The following GDF7 variants were observed in gnomAD, a reference collection of about 807,000 sequenced individuals.
GDF7 encodes growth differentiation factor 7.
In GDF7, 12 loss-of-function variants were observed where a neutral mutation model predicts 13.4. The observed-to-expected ratio is 0.90, with a 90% CI of 0.57 to 1.45. The LOEUF (loss-of-function observed/expected upper bound fraction) is 1.45. Among genes scored for constraint, GDF7 ranks in the 40% most tolerant of loss-of-function variants. The probability of loss-of-function intolerance (pLI) is 0.00; values close to 1 mark genes in which losing one functional copy is unlikely to be tolerated. For missense variants in GDF7, 651 were observed against 652.4 expected (o/e 1.00, Z 0.02); for synonymous variants, 330 against 306.4 (o/e 1.08, Z -0.80).
rs1662252562 is a variant in GDF7 at position 20,677,587 on chromosome 2, G to C, written c.*6162G>C. 1 of 152,262 alleles carries C rather than the reference G, an allele frequency of 6.6e-6. No individual in the cohort carries two copies. The highest frequency in any genetic ancestry group is 2.1e-4 in the South Asian group (1 of 4,834). The allele number at this position is 152,262 out of a possible 1,614,324, so 9.4% of individuals were successfully genotyped here. ...GAATCTAGAACCATGGCTGACCAAA[G>C]CGAGACTTCCGAGTAAGGTTCGTTA... On this transcript the variant is annotated 3_prime_UTR_variant, in exon 2 of 2. Transcript: ENST00000272224.
rs1335739467 is a variant in GDF7, at chr2:20,674,007, G to T, written c.*2582G>T. Reference sequence around the variant, plus strand: ...TGAATGCAGAGGATCCATTTCACTTGTAAAAATGACAACAAAGGGCCAACA... The same window carrying T: ...TGAATGCAGAGGATCCATTTCACTTTTAAAAATGACAACAAAGGGCCAACA... On this transcript the variant is annotated 3_prime_UTR_variant, in exon 2 of 2. Transcript: ENST00000272224. 6.6e-6 allele frequency: 1 copy of T among 152,248 alleles called. No homozygotes were observed. Among genetic ancestry groups the T allele is most frequent in the East Asian group, 1.9e-4 (1 of 5,200 alleles). The allele number at this position is 152,248 out of a possible 1,614,324, so 9.4% of individuals were successfully genotyped here.
In GDF7 at chr2:20,670,531, G is replaced by A. The variant is rs1196563232; in HGVS notation, c.459G>A (p.Glu153=). 2 of 1,602,248 alleles carry A rather than the reference G, an allele frequency of 1.2e-6. No homozygotes were observed. The highest frequency in any genetic ancestry group is 8.5e-7 in the Non-Finnish European group (1 of 1,175,690). ...FDVSSLNDAD[E]VVGAELRVLR... is the part of the protein sequence containing the mutation. ...TGTCCAGCCTTAACGACGCAGACGAGGTGGTGGGTGCCGAGCTGCGCGTGC... is the reference window on the plus strand; with the variant it reads ...TGTCCAGCCTTAACGACGCAGACGAAGTGGTGGGTGCCGAGCTGCGCGTGC... Residue 153 remains glutamate (E), a synonymous_variant, in exon 2 of 2, where the codon GAG becomes GAA. Transcript: ENST00000272224.
Position 20,676,516 on chromosome 2 carries a change from G to C in GDF7, c.*5091G>C, listed in dbSNP as rs539411720. 4 of 152,194 alleles carry C rather than the reference G, an allele frequency of 2.6e-5. No homozygotes were observed. The highest frequency in any genetic ancestry group is 9.7e-5 in the African/African-American group (4 of 41,426). 9.4% of individuals were successfully genotyped at this position (152,194 alleles called of 1,614,324 possible). A position where few individuals can be genotyped will look rare whatever the true frequency, so the allele number is the denominator to read the frequency against. On this transcript the variant is annotated 3_prime_UTR_variant, in exon 2 of 2. Coordinates refer to ENST00000272224, the MANE Select transcript of GDF7 (RefSeq NM_182828.4). ...TGAAAGAAGCCTGTTTTTTTCAGGA[G>C]GGCCACCGTCCTAGCCTGAGGAGAC... is the stretch of plus-strand genomic sequence containing the variant.
At position 20,672,147 on chromosome 2, in the gene GDF7, A is replaced by T. The variant is rs1434502884; in HGVS notation, c.*722A>T. The T allele has an allele frequency of 8.9e-5, 9 of 100,738 alleles. No homozygotes were observed. The highest frequency in any genetic ancestry group is 2.2e-4 in the African/African-American group (4 of 18,160). 6.2% of individuals were successfully genotyped at this position (100,738 alleles called of 1,614,324 possible). A position where few individuals can be genotyped will look rare whatever the true frequency, so the allele number is the denominator to read the frequency against. On this transcript the variant is annotated 3_prime_UTR_variant, in exon 2 of 2. Transcript: ENST00000272224. ...CCCGCCTTTTTTTTTTTTTTTTTTA[A>T]TCAATTCCAATAGGAAATGTTATGG...
At chr2:20,669,244 GA>G (rs1309779810) in intron 1 of GDF7, among the ~76,000 whole-genome samples, 2 of 152,116 alleles carry the variant, frequency 1.3e-5, no homozygotes, top group Admixed American at 6.5e-5. Flanking sequence ...GAGGTCCCCA[GA>G]AGCCATTGAT....
Position 20,670,814 on chromosome 2 carries a change from C to T in GDF7, c.742C>T (p.Arg248Trp), listed in dbSNP as rs751088954. ...AGPVPSPLAL[R>W]RLGFGWPGGG... is the part of the protein sequence containing the mutation. ...CCCGGTGCCGAGCCCGTTGGCACTG[C>T]GGCGGCTGGGCTTCGGCTGGCCGGG... The change falls in exon 2 of 2, where the codon CGG (arginine) becomes TGG (tryptophan). Residue 248 changes from arginine (R) to tryptophan (W), a missense_variant. Arg to Trp is a moderately radical substitution (Grantham distance 101). Transcript: ENST00000272224. 14 of 1,492,924 alleles carry T rather than the reference C, an allele frequency of 9.4e-6. No individual in the cohort carries two copies. The highest frequency in any genetic ancestry group is 1.2e-5 in the Non-Finnish European group (14 of 1,127,540). The allele number at this position is 1,492,924 out of a possible 1,614,324, so 92.5% of individuals were successfully genotyped here. A position where few individuals can be genotyped will look rare whatever the true frequency, so the allele number is the denominator to read the frequency against.
In GDF7 at chr2:20,671,473, G is replaced by T; in HGVS notation, c.*48G>T. 1 of 1,576,510 alleles carries T rather than the reference G, an allele frequency of 6.3e-7. No individual in the cohort carries two copies. The highest frequency in any genetic ancestry group is 8.6e-7 in the Non-Finnish European group (1 of 1,160,742). ...GCCACGCGGCCGAGGATCCCCAGCT[G>T]ATGAGCAGCAGCGGGCCACCCTGTC... On this transcript the variant is annotated 3_prime_UTR_variant, in exon 2 of 2. Coordinates refer to ENST00000272224, the MANE Select transcript of GDF7 (RefSeq NM_182828.4).
Position 20,670,485 on chromosome 2 carries a change from G to T in GDF7, c.413G>T (p.Gly138Val), listed in dbSNP as rs145804313. The T allele has an allele frequency of 1.1e-5, 17 of 1,565,670 alleles. No individual in the cohort carries two copies. Among genetic ancestry groups the T allele is most frequent in the Non-Finnish European group, 1.5e-5 (17 of 1,156,262 alleles). Reference protein sequence around the residue: ...ATQDESAAETGQSFLFDVSSL... With the variant: ...ATQDESAAETVQSFLFDVSSL... ...GCAGACGAATCGGCAGCCGAAACAG[G>T]CCAGAGCTTCCTGTTCGACGTGTCC... Residue 138 changes from glycine to valine, a missense_variant, in exon 2 of 2, where the codon GGC (glycine) becomes GTC (valine). Coordinates refer to ENST00000272224, the MANE Select transcript of GDF7 (RefSeq NM_182828.4).
Position 20,670,951 on chromosome 2 carries a change from C to G in GDF7, c.879C>G (p.Ala293=), listed in dbSNP as rs747120028. 6.4e-7 allele frequency: 1 copy of G among 1,567,092 alleles called. No individual in the cohort carries two copies. The highest frequency in any genetic ancestry group is 8.6e-7 in the Non-Finnish European group (1 of 1,164,896). The stretch of plus-strand genomic sequence containing the variant: ...GCGCCCAGGCCCGCGCGCTCGGGGC[C>G]GCTCTGGCCTCAGAGCCGCTGCCCG... ...EIRAQARALG[A]ALASEPLPDP... is the part of the protein sequence containing the mutation. The change falls in exon 2 of 2, where the codon GCC becomes GCG. Residue 293 remains alanine (A), a synonymous_variant. Transcript: ENST00000272224.
chr2:20,671,531 GCAC>G lies in GDF7; in HGVS notation c.*108_*110del. 1 of 1,231,356 alleles carries G rather than the reference GCAC, an allele frequency of 8.1e-7. No homozygotes were observed. Among genetic ancestry groups the G allele is most frequent in the Non-Finnish European group, 1.1e-6 (1 of 883,926 alleles). 76.3% of individuals were successfully genotyped at this position (1,231,356 alleles called of 1,614,324 possible). ...GTGGGTGCATGTCCGATGTGACCCA[GCAC>G]CCTCTCAGAGGAGGGAGAGCACACG... is the stretch of plus-strand genomic sequence containing the variant. On this transcript the variant is annotated 3_prime_UTR_variant, in exon 2 of 2. Coordinates refer to ENST00000272224, the MANE Select transcript of GDF7 (RefSeq NM_182828.4).
In GDF7 at chr2:20,670,583, C is replaced by T. The variant is rs778154570; in HGVS notation, c.511C>T (p.Pro171Ser). 6 of 1,602,840 alleles carry T rather than the reference C, an allele frequency of 3.7e-6. No homozygotes were observed. In the Admixed American group the frequency reaches 1.0e-4, roughly 27 times the overall value. The change falls in exon 2 of 2, where the codon CCA (proline) becomes TCA (serine). Residue 171 changes from proline (P) to serine (S), a missense_variant. Pro to Ser is a moderately conservative substitution (Grantham distance 74, BLOSUM62 -1). Around this residue, in one of 4 missense-constraint regions of GDF7, gnomAD observed 487 missense variants for 445.9 expected, o/e 1.09. Coordinates refer to ENST00000272224, the MANE Select transcript of GDF7 (RefSeq NM_182828.4). ...VLRRGSPESGPGSWTSPPLLL... is the reference protein window; with the variant it reads ...VLRRGSPESGSGSWTSPPLLL... ...GCGCCGGGGATCTCCAGAGTCGGGC[C>T]CAGGCAGCTGGACTTCTCCGCCGTT...
Position 20,667,290 on chromosome 2 carries a change from C to A in GDF7, c.51C>A (p.Cys17Ter). 8.3e-7 allele frequency: 1 copy of A among 1,210,542 alleles called. No homozygotes were observed. The highest frequency in any genetic ancestry group is 1.0e-6 in the Non-Finnish European group (1 of 965,518). The allele number at this position is 1,210,542 out of a possible 1,614,324, so 75.0% of individuals were successfully genotyped here. A position where few individuals can be genotyped will look rare whatever the true frequency, so the allele number is the denominator to read the frequency against. The change falls in exon 1 of 2, where the codon TGC (cysteine) becomes TGA (stop). Residue 17 changes from cysteine to a stop codon, truncating the protein, a stop_gained. Coordinates refer to ENST00000272224, the MANE Select transcript of GDF7 (RefSeq NM_182828.4). LOFTEE classifies it high-confidence loss of function. The surrounding 1 kb of genome is among the most constrained non-coding windows in gnomAD (Gnocchi z 6.4). ...AALCLWLLSA[C>*]RPRDGLEAAA... Reference sequence around the variant, plus strand: ...TGTGCCTTTGGCTGCTGAGCGCCTGCCGCCCCCGCGACGGGCTGGAAGCGG... The same window carrying A: ...TGTGCCTTTGGCTGCTGAGCGCCTGACGCCCCCGCGACGGGCTGGAAGCGG...
Position 20,667,514 on chromosome 2 carries a change from T to G in GDF7, c.275T>G (p.Met92Arg), listed in dbSNP as rs1695987971. The change falls in exon 1 of 2, where the codon ATG (methionine) becomes AGG (arginine). Residue 92 changes from methionine to arginine, a missense_variant. Met to Arg is a moderately conservative substitution (Grantham distance 91). Around this residue, in one of 4 missense-constraint regions of GDF7, gnomAD observed 487 missense variants for 445.9 expected, o/e 1.09. Coordinates refer to ENST00000272224, the MANE Select transcript of GDF7 (RefSeq NM_182828.4). The surrounding 1 kb of genome is among the most constrained non-coding windows in gnomAD (Gnocchi z 6.4). ...RNGSVVPHHF[M>R]MSLYRSLAGR... ...GGCTCGGTGGTGCCGCACCACTTCA[T>G]GATGTCGCTTTACCGGAGCCTGGCC... 1 of 1,400,140 alleles carries G rather than the reference T, an allele frequency of 7.1e-7. No individual in the cohort carries two copies. 86.7% of individuals were successfully genotyped at this position (1,400,140 alleles called of 1,614,324 possible).
chr2:20,667,436 C>T lies in GDF7; in HGVS notation c.197C>T (p.Ala66Val). 1 of 1,062,040 alleles carries T rather than the reference C, an allele frequency of 9.4e-7. No homozygotes were observed. The highest frequency in any genetic ancestry group is 1.1e-6 in the Non-Finnish European group (1 of 876,566). The allele number at this position is 1,062,040 out of a possible 1,614,324, so 65.8% of individuals were successfully genotyped here. Residue 66 changes from alanine to valine, a missense_variant, in exon 1 of 2, where the codon GCG becomes GTG. Physicochemically the swap from Ala to Val is moderately conservative, Grantham distance 64. Around this residue, in one of 4 missense-constraint regions of GDF7, gnomAD observed 487 missense variants for 445.9 expected, o/e 1.09. Coordinates refer to ENST00000272224, the MANE Select transcript of GDF7 (RefSeq NM_182828.4). The surrounding 1 kb of genome is among the most constrained non-coding windows in gnomAD (Gnocchi z 6.4). ...AAGAAAVPAAAVPRARAARRA... is the reference protein window; with the variant it reads ...AAGAAAVPAAVVPRARAARRA... Reference sequence around the variant, plus strand: ...GGCGCCGCGGCTGTCCCGGCCGCCGCGGTTCCCCGGGCCCGCGCCGCGCGC... The same window carrying T: ...GGCGCCGCGGCTGTCCCGGCCGCCGTGGTTCCCCGGGCCCGCGCCGCGCGC...
Position 20,667,473 on chromosome 2 carries a change from C to T in GDF7, c.234C>T (p.Gly78=), listed in dbSNP as rs1312257841. ...CCCGCGCCGCGCGCCGCGCCGCGGG[C>T]TCCGGCTTCAGGAACGGCTCGGTGG... ...PRARAARRAA[G]SGFRNGSVVP... The change falls in exon 1 of 2, where the codon GGC becomes GGT. Residue 78 remains glycine, a synonymous_variant. Transcript: ENST00000272224. The surrounding 1 kb of genome is among the most constrained non-coding windows in gnomAD (Gnocchi z 6.4). The T allele has an allele frequency of 9.6e-6, 12 of 1,254,020 alleles. No individual in the cohort carries two copies. Among genetic ancestry groups the T allele is most frequent in the South Asian group, 2.8e-5 (1 of 35,900 alleles). The allele number at this position is 1,254,020 out of a possible 1,614,324, so 77.7% of individuals were successfully genotyped here. A position where few individuals can be genotyped will look rare whatever the true frequency, so the allele number is the denominator to read the frequency against.
intron 1 of GDF7, among the ~76,000 whole-genome samples, chr2:20,668,953 C>T (rs555550310): frequency 9.2e-5 from 14 of 151,858 alleles, no homozygotes; most frequent in Admixed American, 9.2e-4. Context: ...GTGCTGGGCT[C>T]TAAGTGGGCA....
intron 1 of GDF7, among the ~76,000 whole-genome samples, chr2:20,668,532 G>A (rs1033549242): frequency 3.9e-5 from 6 of 152,168 alleles, no homozygotes; most frequent in African/African-American, 1.4e-4. Flanking sequence ...AAGTAATTTC[G>A]GCCTTAATTC....
intron 1 of GDF7, among the ~76,000 whole-genome samples, chr2:20,669,799 C>A (rs1331661023): frequency 1.3e-5 from 2 of 152,234 alleles, no homozygotes; most frequent in Admixed American, 6.5e-5. Context: ...TTCGGCAGAG[C>A]GAAGTTGGAC....
chr2:20,670,639 C>G lies in GDF7; in HGVS notation c.567C>G (p.Ala189=). 1 of 1,556,190 alleles carries G rather than the reference C, an allele frequency of 6.4e-7. No individual in the cohort carries two copies. Among genetic ancestry groups the G allele is most frequent in the Non-Finnish European group, 8.7e-7 (1 of 1,154,858 alleles). ...LLLLSTCPGA[A]RAPRLLYSRA... The stretch of plus-strand genomic sequence containing the variant: ...TGCTGTCCACGTGCCCGGGCGCCGC[C>G]CGAGCGCCACGCCTGCTGTACTCGC... The change falls in exon 2 of 2, where the codon GCC becomes GCG. Residue 189 remains alanine, a synonymous_variant. Coordinates refer to ENST00000272224, the MANE Select transcript of GDF7 (RefSeq NM_182828.4).
Sources: allele counts gnomAD v4.1 joint callset (sites outside exome capture counted in the v4.1 genomes callset), GRCh38; gene constraint gnomAD v4.1.1; regional missense constraint gnomAD v4.1.1; non-coding constraint Gnocchi (gnomAD v3.1); transcripts MANE v1.5; gene names NCBI Gene and HGNC (gene_info 2026-07-23, HGNC 2026-07-21).